The following FGF14 variants were observed in gnomAD, a reference collection of about 807,000 sequenced individuals.
FGF14 encodes the protein fibroblast growth factor 14.
FGF14 carries 5 observed loss-of-function variants against 25.5 expected under a neutral mutation model. The ratio of observed to expected loss-of-function variants is 0.20; its 90% confidence interval spans 0.10 to 0.41. FGF14 has a LOEUF of 0.41. Among genes scored for constraint, FGF14 ranks in the 10% least tolerant of loss-of-function variants. The pLI, the probability that FGF14 is intolerant of heterozygous loss-of-function variation, is 1.00. For synonymous variants in FGF14, 138 were observed against 118.3 expected (o/e 1.17, Z -1.08); for missense variants, 222 against 320.1 (o/e 0.69, Z 2.34).
chr13:102,041,564 A>G (rs1436479448), intron 1 of FGF14, among the ~76,000 whole-genome samples: 1 of 145,848 alleles, frequency 6.9e-6, no homozygotes, highest in Non-Finnish European at 1.5e-5. Flanking sequence ...CCATGCAAAA[A>G]TTACTTTGTG....
intron 1 of FGF14, among the ~76,000 whole-genome samples, chr13:102,202,107 G>C (rs186376268): frequency 6.6e-6 from 1 of 152,106 alleles, no homozygotes; most frequent in Non-Finnish European, 1.5e-5. Context: ...CGCCTTCACC[G>C]CGACTGTAAG....
At chr13:102,365,792 T>C (rs1446294082) in intron 1 of FGF14, among the ~76,000 whole-genome samples, 1 of 152,130 alleles carries the variant, frequency 6.6e-6, no homozygotes, top group East Asian at 1.9e-4. Context: ...TATATATAGT[T>C]ATATGTGGAA....
At chr13:101,969,520 T>C (rs2037465636) in intron 1 of FGF14, among the ~76,000 whole-genome samples, 1 of 152,250 alleles carries the variant, frequency 6.6e-6, no homozygotes, top group Non-Finnish European at 1.5e-5. Context: ...TATTTCAATC[T>C]GGTGAAGGAA....
At chr13:102,286,098 T>A (rs1356061903) in intron 1 of FGF14, among the ~76,000 whole-genome samples, 1 of 152,184 alleles carries the variant, frequency 6.6e-6, no homozygotes, top group Non-Finnish European at 1.5e-5. Flanking sequence ...AGGCTCCAAC[T>A]TGGTAGAGGG....
intron 1 of FGF14, among the ~76,000 whole-genome samples, chr13:102,087,403 A>ATTTATTTTTTT (rs1485606038): frequency 1.2e-5 from 1 of 80,520 alleles, no homozygotes; most frequent in Non-Finnish European, 2.7e-5. Flanking sequence ...ATAGACTGTA[A>ATTTATTTTTTT]TTTCTTTTTT....
chr13:102,179,534 T>C (rs1228880358), intron 1 of FGF14, among the ~76,000 whole-genome samples: 1 of 152,128 alleles, frequency 6.6e-6, no homozygotes, highest in African/African-American at 2.4e-5. Flanking sequence ...AACAAACAGA[T>C]GAATAACACT....
intron 1 of FGF14, among the ~76,000 whole-genome samples, chr13:102,347,918 T>TAA (rs2057159879): frequency 6.6e-6 from 1 of 151,998 alleles, no homozygotes; most frequent in Non-Finnish European, 1.5e-5. Flanking sequence ...AATCTCTATT[T>TAA]ATAACAAAAA....
At chr13:101,838,185 T>C (rs940605933) in intron 3 of FGF14, among the ~76,000 whole-genome samples, 3 of 151,996 alleles carry the variant, frequency 2.0e-5, no homozygotes, top group Non-Finnish European at 4.4e-5. Flanking sequence ...CCTATTAGTT[T>C]TATCCCTCTA....
intron 1 of FGF14, among the ~76,000 whole-genome samples, chr13:101,979,960 C>T (rs144104375): frequency 0.013 from 2,007 of 152,302 alleles, 51 homozygotes; most frequent in African/African-American, 0.045. Context: ...AACACTAAAT[C>T]GTTTGCTGCA....
At chr13:102,026,186 A>G (rs1009553229) in intron 1 of FGF14, among the ~76,000 whole-genome samples, 5 of 151,906 alleles carry the variant, frequency 3.3e-5, no homozygotes, top group Admixed American at 1.3e-4. Context: ...TTCTTCATTG[A>G]TTGAGATGAG....
chr13:102,341,589 C>G (rs1290262638), intron 1 of FGF14, among the ~76,000 whole-genome samples: 2 of 152,118 alleles, frequency 1.3e-5, no homozygotes, highest in African/African-American at 4.8e-5. Flanking sequence ...GGAAGGCTGA[C>G]AAAGCTGTTA....
chr13:101,790,076 T>C (rs2040145126), intron 3 of FGF14, among the ~76,000 whole-genome samples: 1 of 151,832 alleles, frequency 6.6e-6, no homozygotes, highest in Non-Finnish European at 1.5e-5. Context: ...TCATCAAATC[T>C]TATAATCATT....
chr13:102,217,116 G>C (rs933013316), intron 1 of FGF14, among the ~76,000 whole-genome samples: 1 of 152,148 alleles, frequency 6.6e-6, no homozygotes, highest in African/African-American at 2.4e-5. Flanking sequence ...AATAAACACA[G>C]GAGTGCAGGT....
intron 1 of FGF14, among the ~76,000 whole-genome samples, chr13:101,929,248 T>C (rs2034582221): frequency 6.6e-6 from 1 of 151,916 alleles, no homozygotes; most frequent in African/African-American, 2.4e-5. Flanking sequence ...CTGGTATGGG[T>C]TGGGAAAGGT....
At chr13:102,133,159 T>C (rs1366870478) in intron 1 of FGF14, among the ~76,000 whole-genome samples, 1 of 152,240 alleles carries the variant, frequency 6.6e-6, no homozygotes, top group African/African-American at 2.4e-5. Context: ...TTTAATGGAA[T>C]AGCTATTGTG....
At chr13:102,377,569 G>A (rs2058070078) in intron 1 of FGF14, among the ~76,000 whole-genome samples, 1 of 152,142 alleles carries the variant, frequency 6.6e-6, no homozygotes, top group Admixed American at 6.5e-5. Context: ...AGCACTTTGG[G>A]AGGTTGAGGC....
chr13:101,998,737 G>T (rs2039321860), intron 1 of FGF14, among the ~76,000 whole-genome samples: 1 of 152,174 alleles, frequency 6.6e-6, no homozygotes, highest in African/African-American at 2.4e-5. Context: ...GATGTAATGG[G>T]AGGAACTTTG....
At position 101,847,697 on chromosome 13, in the gene FGF14, C is replaced by T. The variant is rs533242655; in HGVS notation, c.408+21028G>A. On this transcript the variant is annotated intron_variant, in intron 3 of 4. Coordinates refer to ENST00000376143, the MANE Select transcript of FGF14 (RefSeq NM_004115.4). ...AGAGAAACTCCAATTCTTGTTAATA[C>T]ATCTTCAAATCTACAGTTATTGAAG... 7.2e-5 allele frequency among the ~76,000 whole-genome samples: 11 copies of T among 152,162 alleles called. No individual in the cohort carries two copies. The South Asian group carries it at 2.3e-3, about 32-fold the overall frequency.
chr13:102,152,631 G>C (rs1377539481), intron 1 of FGF14, among the ~76,000 whole-genome samples: 1 of 152,114 alleles, frequency 6.6e-6, no homozygotes, highest in African/African-American at 2.4e-5. Flanking sequence ...CACAATACTG[G>C]TGTCAGGGAA....
Sources: gnomAD v4.1 joint callset for allele counts (sites outside exome capture counted in the v4.1 genomes callset) on GRCh38, gnomAD v4.1.1 for gene constraint, MANE v1.5 for transcripts, NCBI Gene and HGNC (gene_info 2026-07-23, HGNC 2026-07-21) for gene names.